The following AQP9 variants were observed in gnomAD, a reference collection of about 807,000 sequenced individuals.
AQP9 encodes the protein aquaporin-9.
A neutral mutation model predicts 23.8 loss-of-function variants in AQP9; 19 were observed. The ratio of observed to expected loss-of-function variants is 0.80; its 90% CI spans 0.56 to 1.17. The LOEUF (loss-of-function observed/expected upper bound fraction) is 1.17, where lower values mean the gene tolerates loss of function less well. AQP9 is among the 50% of genes most tolerant of loss of function. The pLI is 0.00. For synonymous variants in AQP9, 153 were observed against 131.5 expected (o/e 1.16, Z -1.12); for missense variants, 413 against 362.0 (o/e 1.14, Z -1.14).
At chr15:58,183,898 A>AC (rs1348613084) in intron 5 of AQP9, 63 bp from the exon 6 acceptor site, 35 of 1,564,520 alleles carry the variant, frequency 2.2e-5, no homozygotes, top group Non-Finnish European at 2.9e-5. Context: ...TGAGTGAAAA[A>AC]CTAGACAGTA....
intron 1 of AQP9, among the ~76,000 whole-genome samples, chr15:58,149,260 G>A (rs1210660464): frequency 1.3e-5 from 2 of 152,208 alleles, no homozygotes; most frequent in African/African-American, 4.8e-5. Context: ...TATAGGTCTT[G>A]TATCAAGTCA....
At position 58,148,544 on chromosome 15, in the gene AQP9, G is replaced by A. The variant is rs147892745; in HGVS notation, c.111+9868G>A. ...CGGCCTTGGCACTGTTGGGCCCTGT[G>A]GGTAGAGGGAGAACTGTCCTCAGCA... is the stretch of plus-strand genomic sequence containing the variant. On this transcript the variant is annotated intron_variant, in intron 1 of 5. Transcript: ENST00000219919. 2.6e-5 allele frequency among the ~76,000 whole-genome samples: 4 copies of A among 152,274 alleles called. No individual in the cohort carries two copies. In the East Asian group the frequency reaches 7.7e-4, roughly 29 times the overall value.
intron 3 of AQP9, 54 bp from the exon 4 acceptor site, chr15:58,174,864 C>T: frequency 6.7e-7 from 1 of 1,487,350 alleles, no homozygotes. Context: ...TGGCACAGGC[C>T]TCCTTCAACT....
chr15:58,177,804 T>G (rs1372452947), intron 4 of AQP9, among the ~76,000 whole-genome samples: 2 of 152,232 alleles, frequency 1.3e-5, no homozygotes, highest in Admixed American at 6.5e-5. Flanking sequence ...AACAGTAGTT[T>G]GGAAAACTAA....
chr15:58,151,809 C>T lies in AQP9; in HGVS notation c.111+13133C>T, dbSNP rs796096072. The T allele has an allele frequency of 2.0e-5, 3 of 152,124 alleles. 1 individual carries two copies. The South Asian group carries it at 6.2e-4, about 31-fold the overall frequency. The allele number at this position is 152,124 out of a possible 1,614,324, so 9.4% of individuals were successfully genotyped here. On this transcript the variant is annotated intron_variant, in intron 1 of 5. Coordinates refer to ENST00000219919, the MANE Select transcript of AQP9 (RefSeq NM_020980.5). ...CTCCCCAAAGCCCACGTGGAAGCCC[C>T]TATTGCTGGCTCAATAGTACTTGCA...
intron 1 of AQP9, among the ~76,000 whole-genome samples, chr15:58,161,850 T>A (rs1312658072): frequency 2.0e-5 from 3 of 152,206 alleles, no homozygotes; most frequent in African/African-American, 2.4e-5. Flanking sequence ...TATTCCCCTT[T>A]AATATATGAG....
chr15:58,151,362 C>T (rs1184588656), intron 1 of AQP9: 3 of 152,086 alleles, frequency 2.0e-5, no homozygotes, highest in Non-Finnish European at 4.4e-5. Flanking sequence ...CTGTTACCAC[C>T]AACATGACTC....
intron 1 of AQP9, chr15:58,151,668 T>A (rs768699864): frequency 6.6e-5 from 10 of 152,082 alleles, no homozygotes; most frequent in Non-Finnish European, 1.3e-4. Flanking sequence ...AACATAATAA[T>A]AATAATAATA....
At chr15:58,147,684 G>A (rs1898072767) in intron 1 of AQP9, among the ~76,000 whole-genome samples, 1 of 152,046 alleles carries the variant, frequency 6.6e-6, no homozygotes, top group Admixed American at 6.6e-5. Flanking sequence ...GGAAATTCAA[G>A]CTTTCTTATG....
chr15:58,163,992 C>T (rs2140613916), intron 1 of AQP9: 1 of 152,614 alleles, frequency 6.6e-6, no homozygotes, highest in African/African-American at 2.4e-5. Context: ...TAAAACATTT[C>T]TAAATTAAGA....
chr15:58,177,578 G>C (rs558674731), intron 4 of AQP9, among the ~76,000 whole-genome samples: 1 of 152,282 alleles, frequency 6.6e-6, no homozygotes, highest in African/African-American at 2.4e-5. Context: ...AAAATCAGTT[G>C]CCTGGTTCCC....
At chr15:58,155,918 C>G (rs150682569) in intron 1 of AQP9, 1,707 of 152,276 alleles carry the variant, frequency 0.011, 40 homozygotes, top group African/African-American at 0.039. Flanking sequence ...ATTCCGTCCA[C>G]TAGTCTCACA....
At chr15:58,154,935 T>C (rs769062572) in intron 1 of AQP9, 2 of 152,306 alleles carry the variant, frequency 1.3e-5, no homozygotes, top group East Asian at 1.9e-4. Context: ...AAAACCATCA[T>C]TGTATTTCAA....
chr15:58,166,529 G>A (rs1214801906), intron 1 of AQP9, 144 bp from the exon 2 acceptor site: 1 of 1,139,112 alleles, frequency 8.8e-7, no homozygotes, highest in African/African-American at 1.6e-5. Context: ...TCTGTGTATA[G>A]CTGAATCATT....
intron 4 of AQP9, among the ~76,000 whole-genome samples, 170 bp downstream of exon 4, chr15:58,175,206 G>A (rs1453378011): frequency 2.6e-5 from 4 of 152,214 alleles, no homozygotes; most frequent in Non-Finnish European, 5.9e-5. Context: ...TTTACAAGGA[G>A]CTGATACCAC....
chr15:58,173,411 G>C (rs1476600863), intron 3 of AQP9, among the ~76,000 whole-genome samples: 6 of 152,140 alleles, frequency 3.9e-5, no homozygotes, highest in Non-Finnish European at 8.8e-5. Flanking sequence ...ATCTTAAATG[G>C]GGAGCAGAAC....
chr15:58,138,515 C>A lies in AQP9; in HGVS notation c.-51C>A. Reference sequence around the variant, plus strand: ...TTTCATCTGGCTGTGAAAGTGAGGACCACAACAGGTAGGTATTGGTAGAAA... The same window carrying A: ...TTTCATCTGGCTGTGAAAGTGAGGAACACAACAGGTAGGTATTGGTAGAAA... On this transcript the variant is annotated 5_prime_UTR_variant, in exon 1 of 6. Transcript: ENST00000219919. The A allele has an allele frequency of 6.8e-7, 1 of 1,477,896 alleles. No homozygotes were observed. The highest frequency in any genetic ancestry group is 9.4e-7 in the Non-Finnish European group (1 of 1,069,084). The allele number at this position is 1,477,896 out of a possible 1,614,324, so 91.5% of individuals were successfully genotyped here. A position where few individuals can be genotyped will look rare whatever the true frequency, so the allele number is the denominator to read the frequency against.
At chr15:58,163,560 C>T (rs1898431245) in intron 1 of AQP9, among the ~76,000 whole-genome samples, 1 of 152,018 alleles carries the variant, frequency 6.6e-6, no homozygotes, top group African/African-American at 2.4e-5. Context: ...TACAGTTGAA[C>T]TTCAGGGGAG....
At chr15:58,164,447 C>T (rs1365500364) in intron 1 of AQP9, among the ~76,000 whole-genome samples, 1 of 152,028 alleles carries the variant, frequency 6.6e-6, no homozygotes, top group Non-Finnish European at 1.5e-5. Flanking sequence ...GGAAGTTGTG[C>T]CCAGAGCATT....
Sources: allele counts gnomAD v4.1 joint callset (sites outside exome capture counted in the v4.1 genomes callset), GRCh38; gene constraint gnomAD v4.1.1; transcripts MANE v1.5; gene names NCBI Gene and HGNC (gene_info 2026-07-23, HGNC 2026-07-21).